The following ADAMTS16 variants were observed in gnomAD, a reference collection of about 807,000 sequenced individuals.
The protein encoded by ADAMTS16 is ADAM metallopeptidase with thrombospondin type 1 motif 16.
Under a neutral mutation model 145.8 loss-of-function variants are expected in ADAMTS16, and 94 were observed. The ratio of observed to expected loss-of-function variants is 0.64; its 90% confidence interval spans 0.55 to 0.77. The LOEUF is 0.77. ADAMTS16 is among the 30% of genes least tolerant of loss of function. The pLI, the probability that ADAMTS16 is intolerant of heterozygous loss-of-function variation, is 0.00. For synonymous variants in ADAMTS16, 659 were observed against 604.3 expected (o/e 1.09, Z -1.33); for missense variants, 1,585 against 1,591.5 (o/e 1.00, Z 0.07).
At chr5:5,313,864 C>T (rs1229445880) in intron 21 of ADAMTS16, among the ~76,000 whole-genome samples, 1 of 152,218 alleles carries the variant, frequency 6.6e-6, no homozygotes, top group Non-Finnish European at 1.5e-5. Context: ...CCAGGGTTAT[C>T]CCCTGAACCC....
In ADAMTS16 at chr5:5,232,466, G is replaced by A; in HGVS notation, c.1800G>A (p.Arg600=). Residue 600 remains arginine (R), a synonymous_variant, in exon 12 of 23, where the codon AGG becomes AGA. Transcript: ENST00000274181. ...GGTCTTCTTGGTCCCCATGCTCCAG[G>A]ACCTGCGGAGGGGGAGTATCTCATA... The part of the protein sequence containing the change: ...SDWSSWSPCS[R]TCGGGVSHRS... 2 of 1,614,016 alleles carry A rather than the reference G, an allele frequency of 1.2e-6. No individual in the cohort carries two copies. The highest frequency in any genetic ancestry group is 1.7e-6 in the Non-Finnish European group (2 of 1,179,998).
intron 10 of ADAMTS16, 26 bp downstream of exon 10, chr5:5,209,272 A>G (rs752361154): frequency 4.3e-6 from 7 of 1,610,636 alleles, no homozygotes; most frequent in East Asian, 2.2e-5. Flanking sequence ...CACATGCTCA[A>G]TGCAACATGA....
chr5:5,250,879 C>G (rs1737603559), intron 17 of ADAMTS16, among the ~76,000 whole-genome samples: 1 of 152,070 alleles, frequency 6.6e-6, no homozygotes, highest in Non-Finnish European at 1.5e-5. Flanking sequence ...CCTGGTAGTC[C>G]CTGACTCCTT....
chr5:5,262,163 A>G (rs1315410385), intron 17 of ADAMTS16, among the ~76,000 whole-genome samples: 3 of 152,256 alleles, frequency 2.0e-5, no homozygotes, highest in Admixed American at 2.0e-4. Flanking sequence ...TGTTAAAGTT[A>G]GCCTTTCAGA....
At chr5:5,298,669 T>C (rs1336667223) in intron 18 of ADAMTS16, among the ~76,000 whole-genome samples, 1 of 149,196 alleles carries the variant, frequency 6.7e-6, no homozygotes, top group African/African-American at 2.5e-5. Flanking sequence ...TCTTTATTGT[T>C]GAATGGGCAC....
intron 3 of ADAMTS16, among the ~76,000 whole-genome samples, chr5:5,160,211 G>GC (rs1734705891): frequency 1.3e-5 from 2 of 152,126 alleles, no homozygotes; most frequent in Non-Finnish European, 2.9e-5. Context: ...CCTTAAGAAG[G>GC]CCCCAAATTT....
At chr5:5,248,708 C>T (rs1246639226) in intron 17 of ADAMTS16, among the ~76,000 whole-genome samples, 1 of 152,172 alleles carries the variant, frequency 6.6e-6, no homozygotes, top group Admixed American at 6.5e-5. Flanking sequence ...CTCTCCATTC[C>T]ATCACGTGAG....
At chr5:5,202,030 C>G (rs531712655) in intron 9 of ADAMTS16, among the ~76,000 whole-genome samples, 1 of 152,286 alleles carries the variant, frequency 6.6e-6, no homozygotes, top group East Asian at 1.9e-4. Flanking sequence ...CAGGATCACA[C>G]CAGTACTTCT....
rs149850544 is a variant in ADAMTS16, at chr5:5,230,603, G to A, written c.1702-1765G>A. Among the ~76,000 whole-genome samples, 64 of 152,264 alleles carry A rather than the reference G, an allele frequency of 4.2e-4. 1 individual carries two copies. Among genetic ancestry groups the A allele is most frequent in the African/African-American group, 1.2e-3 (51 of 41,532 alleles). ...AGGACTGCAGGTTTCAAGGGCTCCT[G>A]TACTATTTCCTCTACTTGTGTATAT... On this transcript the variant is annotated intron_variant, in intron 11 of 22. Coordinates refer to ENST00000274181, the MANE Select transcript of ADAMTS16 (RefSeq NM_139056.4).
chr5:5,242,516 A>G (rs756490703), intron 17 of ADAMTS16, among the ~76,000 whole-genome samples: 24 of 152,224 alleles, frequency 1.6e-4, no homozygotes, highest in Non-Finnish European at 1.9e-4. Context: ...TATGAGATAC[A>G]TCATGTTGAC....
At chr5:5,183,393 C>T (rs58839261) in intron 4 of ADAMTS16, among the ~76,000 whole-genome samples, 8 of 152,202 alleles carry the variant, frequency 5.3e-5, no homozygotes, top group Non-Finnish European at 1.0e-4. Context: ...GACCCAGATG[C>T]GTGGCGGAGG....
At chr5:5,281,126 T>C (rs1038203927) in intron 18 of ADAMTS16, among the ~76,000 whole-genome samples, 1 of 152,170 alleles carries the variant, frequency 6.6e-6, no homozygotes, top group Non-Finnish European at 1.5e-5. Flanking sequence ...TGATAGTAAT[T>C]ACTGGGGAGG....
intron 9 of ADAMTS16, among the ~76,000 whole-genome samples, chr5:5,205,488 A>C (rs1357590278): frequency 6.6e-6 from 1 of 152,208 alleles, no homozygotes; most frequent in Admixed American, 6.5e-5. Context: ...ATTGATTATA[A>C]AATGGTTGCA....
At chr5:5,267,762 G>A (rs545844121) in intron 18 of ADAMTS16, among the ~76,000 whole-genome samples, 2 of 152,192 alleles carry the variant, frequency 1.3e-5, no homozygotes, top group Non-Finnish European at 2.9e-5. Flanking sequence ...ATTTGGCCAC[G>A]AAAACAGAAA....
chr5:5,301,989 A>C (rs1739798250), intron 18 of ADAMTS16, among the ~76,000 whole-genome samples: 1 of 152,180 alleles, frequency 6.6e-6, no homozygotes, highest in South Asian at 2.1e-4. Context: ...GGAGTTGCAC[A>C]GGGAAATTAA....
rs1182925436 is a variant in ADAMTS16, at chr5:5,181,988, T to C, written c.502-56T>C. On this transcript the variant is annotated intron_variant, in intron 3 of 22. Transcript: ENST00000274181. The stretch of plus-strand genomic sequence containing the variant: ...AATGCAATGCTTGGAGAATCGGCCC[T>C]GGCTTCAACCAGAAAGTCTAATTGT... 1.6e-5 allele frequency: 24 copies of C among 1,542,684 alleles called. No homozygotes were observed. The South Asian group carries it at 2.6e-4, about 17-fold the overall frequency.
chr5:5,257,555 T>G (rs1251344228), intron 17 of ADAMTS16, among the ~76,000 whole-genome samples: 1 of 152,164 alleles, frequency 6.6e-6, no homozygotes, highest in Non-Finnish European at 1.5e-5. Flanking sequence ...TGCAAACAAC[T>G]GGGATGCTTT....
At chr5:5,152,372 G>A (rs981623701) in intron 3 of ADAMTS16, among the ~76,000 whole-genome samples, 3 of 152,228 alleles carry the variant, frequency 2.0e-5, no homozygotes, top group African/African-American at 7.2e-5. Flanking sequence ...CAAGTGAGAT[G>A]GAGTGGAGGT....
At chr5:5,168,634 AT>A (rs796977505) in intron 3 of ADAMTS16, among the ~76,000 whole-genome samples, 31,143 of 124,338 alleles carry the variant, frequency 0.25, 4,125 homozygotes, top group Middle Eastern at 0.33. Flanking sequence ...ATTATATATA[AT>A]ATATATAATT....
Sources: gnomAD v4.1 joint callset for allele counts (sites outside exome capture counted in the v4.1 genomes callset) on GRCh38, gnomAD v4.1.1 for gene constraint, MANE v1.5 for transcripts, NCBI Gene and HGNC (gene_info 2026-07-23, HGNC 2026-07-21) for gene names.